The following TFAP4 variants were observed in gnomAD, a reference collection of about 807,000 sequenced individuals.
TFAP4 encodes the protein transcription factor AP-4, also known as activating enhancer-binding protein 4.
Under a neutral mutation model 40.4 loss-of-function variants are expected in TFAP4, and 7 were observed. That is an observed-to-expected ratio of 0.17 (90% CI 0.10 to 0.33). The LOEUF is 0.33. Among genes scored for constraint, TFAP4 ranks in the 10% least tolerant of loss-of-function variants. The probability of loss-of-function intolerance (pLI) is 1.00; values close to 1 mark genes in which losing one functional copy is unlikely to be tolerated. For missense variants in TFAP4, 374 were observed against 451.1 expected (o/e 0.83, Z 1.55); for synonymous variants, 218 against 181.4 (o/e 1.20, Z -1.62).
Position 4,261,887 on chromosome 16 carries a change from G to A in TFAP4, c.417C>T (p.Ser139=). The A allele has an allele frequency of 6.2e-7, 1 of 1,613,664 alleles. No individual in the cohort carries two copies. The highest frequency in any genetic ancestry group is 8.5e-7 in the Non-Finnish European group (1 of 1,179,912). Residue 139 remains serine (S), a synonymous_variant, in exon 4 of 7, where the codon TCC becomes TCT. Coordinates refer to ENST00000204517, the MANE Select transcript of TFAP4 (RefSeq NM_003223.3). ...RAEDKDEGIG[S]PDIWEDEKAE... The stretch of plus-strand genomic sequence containing the variant: ...CCTTCTCGTCCTCCCAGATGTCCGG[G>A]GAGCCTATGCCTTCGTCCTTGTCCT...
chr16:4,258,482 TAGCTTACTGCAGTC>T (rs1199399089), intron 6 of TFAP4: 1 of 421,502 alleles, frequency 2.4e-6, no homozygotes, highest in Non-Finnish European at 4.2e-6. Flanking sequence ...GGCATGATCA[TAGCTTACTGCAGTC>T]AGACTCCTGG....
chr16:4,270,953 C>T (rs901139774), intron 1 of TFAP4, among the ~76,000 whole-genome samples: 9 of 152,342 alleles, frequency 5.9e-5, no homozygotes, highest in African/African-American at 9.6e-5. Flanking sequence ...CCTCTTTAAG[C>T]GGAATCAAAA....
intron 4 of TFAP4, among the ~76,000 whole-genome samples, chr16:4,260,972 T>G (rs892764769): frequency 3.3e-5 from 5 of 152,204 alleles, no homozygotes; most frequent in African/African-American, 7.2e-5. Context: ...TTTGTTTTTG[T>G]TTTTTGGTTT....
At chr16:4,266,313 C>G (rs570314985) in intron 1 of TFAP4, 1 of 152,334 alleles carries the variant, frequency 6.6e-6, no homozygotes, top group East Asian at 1.9e-4. Flanking sequence ...TCTCCTGGCT[C>G]AGAAACCAGC....
intron 1 of TFAP4, chr16:4,266,548 G>C (rs1381879848): frequency 2.0e-5 from 3 of 152,142 alleles, no homozygotes; most frequent in Non-Finnish European, 4.4e-5. Flanking sequence ...ACCAGGGGTT[G>C]TGATTGGTGG....
At position 4,260,255 on chromosome 16, in the gene TFAP4, A is replaced by G; in HGVS notation, c.667-10T>C. ...CCGGAGGGGGCAGAAGCTGCAAGACAGAGGCCCTCAGCCTTTCTCTCAAGG... is the reference window on the plus strand; with the variant it reads ...CCGGAGGGGGCAGAAGCTGCAAGACGGAGGCCCTCAGCCTTTCTCTCAAGG... On this transcript the variant is annotated splice_polypyrimidine_tract_variant and intron_variant, in intron 5 of 6. Coordinates refer to ENST00000204517, the MANE Select transcript of TFAP4 (RefSeq NM_003223.3). The G allele has an allele frequency of 6.4e-7, 1 of 1,556,752 alleles. No individual in the cohort carries two copies. The highest frequency in any genetic ancestry group is 8.7e-7 in the Non-Finnish European group (1 of 1,154,042).
intron 1 of TFAP4, chr16:4,263,782 C>A (rs547748085): frequency 6.6e-4 from 101 of 153,820 alleles, no homozygotes; most frequent in Admixed American, 1.8e-3. Flanking sequence ...TGGCTGCTGG[C>A]TGGGGGCGTG....
chr16:4,269,294 C>A (rs1041887798), intron 1 of TFAP4, among the ~76,000 whole-genome samples: 1 of 151,414 alleles, frequency 6.6e-6, no homozygotes, highest in Non-Finnish European at 1.5e-5. Context: ...GAGATCGAGA[C>A]CATCCTGGCT....
chr16:4,257,694 A>C lies in TFAP4; in HGVS notation c.*361T>G. Reference sequence around the variant, plus strand: ...ATCCCAGGCTGGCTCTGGGCAGGGAAGAAATAACCTGGGGTTTTGTTTAAT... The same window carrying C: ...ATCCCAGGCTGGCTCTGGGCAGGGACGAAATAACCTGGGGTTTTGTTTAAT... On this transcript the variant is annotated 3_prime_UTR_variant, in exon 7 of 7. Transcript: ENST00000204517. The C allele has an allele frequency of 5.2e-6, 1 of 191,470 alleles. No individual in the cohort carries two copies. The allele number at this position is 191,470 out of a possible 1,614,324, so 11.9% of individuals were successfully genotyped here. A position where few individuals can be genotyped will look rare whatever the true frequency, so the allele number is the denominator to read the frequency against.
At chr16:4,259,868 C>A (rs1007544610) in intron 6 of TFAP4, among the ~76,000 whole-genome samples, 1 of 152,240 alleles carries the variant, frequency 6.6e-6, no homozygotes, top group African/African-American at 2.4e-5. Context: ...GTCTTCCTGG[C>A]CAACTCCTCC....
intron 1 of TFAP4, chr16:4,265,133 T>A (rs1338598469): frequency 1.3e-5 from 2 of 152,188 alleles, no homozygotes; most frequent in East Asian, 3.9e-4. Flanking sequence ...ACAATGTTCC[T>A]GAGTCAGGTG....
Position 4,257,960 on chromosome 16 carries a change from T to A in TFAP4, c.*95A>T, listed in dbSNP as rs571140565. On this transcript the variant is annotated 3_prime_UTR_variant, in exon 7 of 7. Transcript: ENST00000204517. ...AAGAGACCCAAATGACATCGTAATT[T>A]TGTAAAAATTTCTCACTCATTCGCC... 1.1e-4 allele frequency: 135 copies of A among 1,224,994 alleles called. No individual in the cohort carries two copies. In the East Asian group the frequency reaches 2.2e-3, roughly 20 times the overall value. 75.9% of individuals were successfully genotyped at this position (1,224,994 alleles called of 1,614,324 possible).
In TFAP4 at chr16:4,258,194, C is replaced by T. The variant is rs2052914222; in HGVS notation, c.878G>A (p.Arg293Gln). 6.2e-6 allele frequency: 10 copies of T among 1,611,386 alleles called. No individual in the cohort carries two copies. The East Asian group carries it at 1.8e-4, about 29-fold the overall frequency. ...QEKQELEEEQRRAVIVKPVRS... is the reference protein window; with the variant it reads ...QEKQELEEEQQRAVIVKPVRS... ...GACAGGCTTCACGATGACAGCTCGCCGCTGCTCCTCCTCCAGCTCCTGCTT... is the reference window on the plus strand; with the variant it reads ...GACAGGCTTCACGATGACAGCTCGCTGCTGCTCCTCCTCCAGCTCCTGCTT... Residue 293 changes from arginine to glutamine, a missense_variant, in exon 7 of 7, where the codon CGG (arginine) becomes CAG (glutamine). By Grantham distance (43) the Arg-to-Gln change is conservative. Coordinates refer to ENST00000204517, the MANE Select transcript of TFAP4 (RefSeq NM_003223.3).
intron 1 of TFAP4, chr16:4,266,742 T>G (rs1051476266): frequency 6.6e-6 from 1 of 152,216 alleles, no homozygotes; most frequent in Admixed American, 6.5e-5. Flanking sequence ...TCTGGGGTTT[T>G]GCATTTACGG....
At chr16:4,261,366 G>A (rs2052945969) in intron 4 of TFAP4, among the ~76,000 whole-genome samples, 3 of 150,652 alleles carry the variant, frequency 2.0e-5, no homozygotes, top group Admixed American at 1.3e-4. Context: ...TGCAAGCTCT[G>A]CCTCCCAGGT....
intron 6 of TFAP4, chr16:4,258,539 G>GA: frequency 3.6e-6 from 1 of 280,560 alleles, no homozygotes; most frequent in South Asian, 1.1e-4. Context: ...TCCCTCCCTA[G>GA]TAGCTGGAAC....
chr16:4,267,120 A>G, intron 1 of TFAP4: 1 of 152,188 alleles, frequency 6.6e-6, no homozygotes, highest in Non-Finnish European at 1.5e-5. Flanking sequence ...TGCAATTTCT[A>G]CCTCCCGAGT....
At chr16:4,261,352 T>C (rs2052945892) in intron 4 of TFAP4, among the ~76,000 whole-genome samples, 2 of 151,322 alleles carry the variant, frequency 1.3e-5, no homozygotes, top group Admixed American at 1.3e-4. Flanking sequence ...CGATCTCGGC[T>C]CACTGCAAGC....
Position 4,268,503 on chromosome 16 carries a change from C to G in TFAP4, c.89+4155G>C, listed in dbSNP as rs118128454. ...GAATGTTGTTGCTTCATAAATAAAT[C>G]AGGGACCCAATAAACACTCCAAAGC... On this transcript the variant is annotated intron_variant, in intron 1 of 6. Coordinates refer to ENST00000204517, the MANE Select transcript of TFAP4 (RefSeq NM_003223.3). 3.9e-3 allele frequency among the ~76,000 whole-genome samples: 589 copies of G among 152,276 alleles called. 13 individuals are homozygous for G. In the East Asian group the frequency reaches 0.047, roughly 12 times the overall value.
Sources: gnomAD v4.1 joint callset for allele counts (sites outside exome capture counted in the v4.1 genomes callset) on GRCh38, gnomAD v4.1.1 for gene constraint, MANE v1.5 for transcripts, NCBI Gene and HGNC (gene_info 2026-07-23, HGNC 2026-07-21) for gene names.